The following PDE4D variants were observed in gnomAD, a reference collection of about 807,000 sequenced individuals.
The protein encoded by PDE4D is 3',5'-cyclic-AMP phosphodiesterase 4D.
PDE4D carries 24 observed loss-of-function variants against 87.4 expected under a neutral mutation model. That is an observed-to-expected ratio of 0.27 (90% CI 0.20 to 0.39). PDE4D has a LOEUF of 0.39. PDE4D is among the 10% of genes least tolerant of loss of function. The pLI, the probability that PDE4D is intolerant of heterozygous loss-of-function variation, is 1.00. For synonymous variants in PDE4D, 384 were observed against 383.2 expected (o/e 1.00, Z -0.02); for missense variants, 714 against 1,041.0 (o/e 0.69, Z 4.32).
chr5:59,250,501 A>G (rs1047849057), intron 1 of PDE4D, among the ~76,000 whole-genome samples: 5 of 151,614 alleles, frequency 3.3e-5, no homozygotes, highest in African/African-American at 1.2e-4. Flanking sequence ...TCGAAAAAAA[A>G]AAAAAGAAAG....
At chr5:60,347,286 A>G (rs1758816128) in intron 1 of PDE4D, among the ~76,000 whole-genome samples, 1 of 152,152 alleles carries the variant, frequency 6.6e-6, no homozygotes, top group Non-Finnish European at 1.5e-5. Context: ...AGAGAGGGCC[A>G]GTGTGGCTGG....
chr5:59,793,137 C>T (rs1384914885), intron 1 of PDE4D, among the ~76,000 whole-genome samples: 2 of 152,118 alleles, frequency 1.3e-5, no homozygotes, highest in East Asian at 3.8e-4. Flanking sequence ...TGAGTGAGTT[C>T]CGTGGAGGTG....
intron 2 of PDE4D, among the ~76,000 whole-genome samples, chr5:60,037,097 G>A (rs1359303444): frequency 3.3e-5 from 5 of 152,100 alleles, no homozygotes; most frequent in African/African-American, 7.2e-5. Context: ...AATAGGATAC[G>A]CATATGGTTT....
intron 1 of PDE4D, among the ~76,000 whole-genome samples, chr5:60,433,592 A>G (rs1231867891): frequency 6.6e-6 from 1 of 152,246 alleles, no homozygotes; most frequent in East Asian, 1.9e-4. Context: ...AAGGAATATA[A>G]ATCATTCTAC....
At chr5:60,280,361 G>T (rs946307238) in intron 1 of PDE4D, among the ~76,000 whole-genome samples, 1 of 150,180 alleles carries the variant, frequency 6.7e-6, no homozygotes, top group Non-Finnish European at 1.5e-5. Context: ...AAATATCCAA[G>T]ATTTTTAGTT....
chr5:59,775,385 T>G (rs1232066329), intron 1 of PDE4D, among the ~76,000 whole-genome samples: 1 of 152,160 alleles, frequency 6.6e-6, no homozygotes, highest in Non-Finnish European at 1.5e-5. Flanking sequence ...TAGATGTAAG[T>G]GCAAAACACT....
At chr5:60,304,301 A>G (rs1039363401) in intron 1 of PDE4D, 1 of 152,192 alleles carries the variant, frequency 6.6e-6, no homozygotes, top group African/African-American at 2.4e-5. Flanking sequence ...CCGTAAAGCC[A>G]CATGTTCCAA....
At position 59,840,234 on chromosome 5, in the gene PDE4D, CCACACACACACA is replaced by C. The variant is rs142164308; in HGVS notation, c.455+52922_455+52933del. Among the ~76,000 whole-genome samples the C allele has an allele frequency of 5.5e-5, 8 of 145,108 alleles. 1 individual carries two copies. Among genetic ancestry groups the C allele is most frequent in the Non-Finnish European group, 3.0e-5 (2 of 65,970 alleles). On this transcript the variant is annotated intron_variant, in intron 1 of 14. Transcript: ENST00000340635. ...GTCTTCTAGTTTCACACGTGCACTG[CCACACACACACA>C]CACACACACACACACACACATCCCT...
chr5:59,510,776 C>G (rs1810160075), intron 1 of PDE4D, among the ~76,000 whole-genome samples: 1 of 151,934 alleles, frequency 6.6e-6, no homozygotes, highest in Non-Finnish European at 1.5e-5. Flanking sequence ...TGAGTGAAAA[C>G]TCTTTAGTTA....
chr5:59,327,652 T>A (rs1775965548), intron 1 of PDE4D, among the ~76,000 whole-genome samples: 1 of 152,218 alleles, frequency 6.6e-6, no homozygotes, highest in African/African-American at 2.4e-5. Context: ...TAAATTATTT[T>A]AAATATTTCT....
chr5:59,623,711 A>G (rs1830585437), intron 1 of PDE4D, among the ~76,000 whole-genome samples: 2 of 152,160 alleles, frequency 1.3e-5, no homozygotes, highest in African/African-American at 4.8e-5. Flanking sequence ...GAGCGTTACT[A>G]GAAAAAAAGA....
At chr5:59,390,585 A>G (rs1328409853) in intron 1 of PDE4D, among the ~76,000 whole-genome samples, 3 of 152,146 alleles carry the variant, frequency 2.0e-5, no homozygotes, top group African/African-American at 4.8e-5. Context: ...TAATATTTTT[A>G]TATCCAAGAG....
At chr5:60,279,972 A>G (rs1730183264) in intron 1 of PDE4D, among the ~76,000 whole-genome samples, 1 of 151,538 alleles carries the variant, frequency 6.6e-6, no homozygotes. Flanking sequence ...GAGCCACCAC[A>G]CTCAGCCCAT....
Position 59,768,361 on chromosome 5 carries a change from A to G in PDE4D, c.455+124807T>C, listed in dbSNP as rs117292391. On this transcript the variant is annotated intron_variant, in intron 1 of 14. Coordinates refer to ENST00000340635, the MANE Select transcript of PDE4D (RefSeq NM_001104631.2). ...GATCACTGGAGAGAGCTTGGGAGAA[A>G]CCGATTTCCTCGCTGTCTTGGACTT... 952 of 1,598,224 alleles carry G rather than the reference A, an allele frequency of 6.0e-4. 11 individuals are homozygous for G. In the East Asian group the frequency reaches 0.018, roughly 30 times the overall value.
At position 59,567,128 on chromosome 5, in the gene PDE4D, T is replaced by A. The variant is rs568726267; in HGVS notation, c.455+326040A>T. 2.0e-5 allele frequency among the ~76,000 whole-genome samples: 3 copies of A among 152,330 alleles called. No homozygotes were observed. In the East Asian group the frequency reaches 5.8e-4, roughly 29 times the overall value. ...AAATTGTTTTCCTTGGGACGTTCATTGAAAGTATGGCTCATTACTGAAAAT... is the reference window on the plus strand; with the variant it reads ...AAATTGTTTTCCTTGGGACGTTCATAGAAAGTATGGCTCATTACTGAAAAT... On this transcript the variant is annotated intron_variant, in intron 1 of 14. Transcript: ENST00000340635.
chr5:59,517,743 A>G (rs911954653), intron 1 of PDE4D, among the ~76,000 whole-genome samples: 2 of 152,234 alleles, frequency 1.3e-5, no homozygotes, highest in African/African-American at 4.8e-5. Context: ...TGCCTGGTTC[A>G]TAGCAGGTGA....
intron 4 of PDE4D, among the ~76,000 whole-genome samples, chr5:59,183,135 C>T (rs188819581): frequency 5.5e-4 from 83 of 152,230 alleles, no homozygotes; most frequent in African/African-American, 1.7e-3. Flanking sequence ...CGAGTTTAGC[C>T]GTGAATAGAT....
At position 60,471,367 on chromosome 5, in the gene PDE4D, T is replaced by C. The variant is rs535087450; in HGVS notation, c.-90+16575A>G. ...ACTCCTGGTGAAGATGCTGTGAACA[T>C]TGTGGAAGTAACAACTAAGGATTTA... is the stretch of plus-strand genomic sequence containing the variant. On this transcript the variant is annotated intron_variant, in intron 1 of 16. Transcript: ENST00000502484. Among the ~76,000 whole-genome samples the C allele has an allele frequency of 2.6e-5, 4 of 152,280 alleles. No homozygotes were observed. The South Asian group carries it at 8.3e-4, about 32-fold the overall frequency.
chr5:59,234,899 G>GT (rs35746970), intron 1 of PDE4D, among the ~76,000 whole-genome samples: 1,880 of 151,458 alleles, frequency 0.012, 37 homozygotes, highest in African/African-American at 0.043. Flanking sequence ...CTCAAATCGA[G>GT]TTTTTTTTTA....
Sources: allele counts gnomAD v4.1 joint callset (sites outside exome capture counted in the v4.1 genomes callset), GRCh38; gene constraint gnomAD v4.1.1; transcripts MANE v1.5; gene names NCBI Gene and HGNC (gene_info 2026-07-23, HGNC 2026-07-21).